Variants in GPR55 observed in about 807,000 individuals in gnomAD.
The protein encoded by GPR55 is G-protein coupled receptor 55.
A neutral mutation model predicts 7.9 loss-of-function variants in GPR55; 6 were observed. The observed-to-expected ratio is 0.76, with a 90% CI of 0.41 to 1.49. The LOEUF (loss-of-function observed/expected upper bound fraction) is 1.49, where lower values mean the gene tolerates loss of function less well. GPR55 is among the 40% of genes most tolerant of loss of function. The probability of loss-of-function intolerance (pLI) is 0.01; values close to 1 mark genes in which losing one functional copy is unlikely to be tolerated. For missense variants in GPR55, 376 were observed against 406.0 expected, an observed-to-expected ratio of 0.93 and a Z score of 0.63; for synonymous variants, 183 against 166.8, an observed-to-expected ratio of 1.10 and a Z score of -0.75.
intron 1 of GPR55, among the ~76,000 whole-genome samples, chr2:230,922,328 C>A (rs1574623886): frequency 6.6e-6 from 1 of 152,176 alleles, no homozygotes; most frequent in South Asian, 2.1e-4. Flanking sequence ...TTCTTCCATC[C>A]TCAAGGCCCT....
intron 1 of GPR55, among the ~76,000 whole-genome samples, chr2:230,915,943 G>T (rs1056064202): frequency 3.9e-5 from 6 of 151,988 alleles, no homozygotes; most frequent in Non-Finnish European, 8.8e-5. Context: ...TCATCACTAA[G>T]AAGAGTGCAA....
intron 1 of GPR55, among the ~76,000 whole-genome samples, chr2:230,934,263 C>A (rs535989101): frequency 1.3e-5 from 2 of 152,312 alleles, no homozygotes; most frequent in South Asian, 4.1e-4. Flanking sequence ...AAACCTAGGT[C>A]TGCATCAGGG....
In GPR55 at chr2:230,909,961, T is replaced by G; in HGVS notation, c.*42A>C. ...GGAACGCGATATCCGTTACCAGAAT[T>G]CAGGGCCAGGGCTTTCTTCCCCTGA... On this transcript the variant is annotated 3_prime_UTR_variant, in exon 2 of 2. Transcript: ENST00000650999. 1.9e-6 allele frequency: 3 copies of G among 1,576,012 alleles called. No homozygotes were observed. The highest frequency in any genetic ancestry group is 2.6e-6 in the Non-Finnish European group (3 of 1,160,008).
At chr2:230,922,659 TC>T (rs2125056292) in intron 1 of GPR55, among the ~76,000 whole-genome samples, 1 of 152,064 alleles carries the variant, frequency 6.6e-6, no homozygotes, top group South Asian at 2.1e-4. Context: ...CACTGCAACC[TC>T]TGCCTCCCAG....
chr2:230,936,635 A>G (rs1021323191), intron 1 of GPR55, among the ~76,000 whole-genome samples: 5 of 152,224 alleles, frequency 3.3e-5, no homozygotes, highest in Non-Finnish European at 7.3e-5. Context: ...GTTGGACAGC[A>G]GCAATGTCCA....
rs1042551703 is a variant in GPR55 at position 230,909,961 on chromosome 2, T to C, written c.*42A>G. ...GGAACGCGATATCCGTTACCAGAATTCAGGGCCAGGGCTTTCTTCCCCTGA... is the reference window on the plus strand; with the variant it reads ...GGAACGCGATATCCGTTACCAGAATCCAGGGCCAGGGCTTTCTTCCCCTGA... On this transcript the variant is annotated 3_prime_UTR_variant, in exon 2 of 2. Transcript: ENST00000650999. The C allele has an allele frequency of 8.9e-6, 14 of 1,575,894 alleles. No homozygotes were observed. The Admixed American group carries it at 2.1e-4, about 24-fold the overall frequency.
intron 1 of GPR55, among the ~76,000 whole-genome samples, chr2:230,946,064 A>G (rs1691309395): frequency 1.3e-5 from 2 of 152,272 alleles, no homozygotes; most frequent in Non-Finnish European, 2.9e-5. Flanking sequence ...TTGTGACAAC[A>G]TAAATGAACC....
upstream of GPR55, among the ~76,000 whole-genome samples, chr2:230,925,567 G>C (rs554289920): frequency 1.3e-5 from 2 of 152,114 alleles, no homozygotes; most frequent in African/African-American, 4.8e-5. Context: ...AGCCTCCTAC[G>C]CACCCCAGAC....
intron 1 of GPR55, among the ~76,000 whole-genome samples, chr2:230,921,424 T>C (rs1390828211): frequency 6.6e-6 from 1 of 152,188 alleles, no homozygotes; most frequent in East Asian, 1.9e-4. Flanking sequence ...GCACAGGCAA[T>C]GGCAATTTTA....
intron 1 of GPR55, among the ~76,000 whole-genome samples, chr2:230,922,376 T>C (rs1293531472): frequency 6.6e-6 from 1 of 151,908 alleles, no homozygotes; most frequent in Non-Finnish European, 1.5e-5. Flanking sequence ...CTCAATGTGC[T>C]GATTTGTTTG....
chr2:230,938,325 A>G (rs1465282400), intron 1 of GPR55, among the ~76,000 whole-genome samples: 1 of 150,934 alleles, frequency 6.6e-6, no homozygotes. Context: ...TTAAAAGATG[A>G]TGTAATACCT....
In GPR55 at chr2:230,910,835, T is replaced by A. The variant is rs1312974683; in HGVS notation, c.128A>T (p.His43Leu). 5 of 1,614,112 alleles carry A rather than the reference T, an allele frequency of 3.1e-6. No individual in the cohort carries two copies. The Admixed American group carries it at 8.3e-5, about 27-fold the overall frequency. ...LGLLLNLLAI[H>L]GFSTFLKNRW... Reference sequence around the variant, plus strand: ...GTTCTTAAGGAAGGTGCTGAAGCCATGGATGGCCAGCAGGTTGAGGAGCAG... The same window carrying A: ...GTTCTTAAGGAAGGTGCTGAAGCCAAGGATGGCCAGCAGGTTGAGGAGCAG... The change falls in exon 2 of 2, where the codon CAT becomes CTT. Residue 43 changes from histidine to leucine, a missense_variant. His to Leu is a moderately conservative substitution (Grantham distance 99, BLOSUM62 -3). Transcript: ENST00000650999. The surrounding 1 kb of genome is among the most constrained non-coding windows in gnomAD (Gnocchi z 5.4).
chr2:230,910,988 C>G lies in GPR55; in HGVS notation c.-26G>C, dbSNP rs188802605. On this transcript the variant is annotated 5_prime_UTR_variant, in exon 2 of 2. Coordinates refer to ENST00000650999, the MANE Select transcript of GPR55 (RefSeq NM_005683.4). This position sits in a 1 kb window ranked among gnomAD's most constrained non-coding sequence, Gnocchi z 5.4. Reference sequence around the variant, plus strand: ...GTTTCTTCCTACAACACCAACAGATCAGACGGGGCTCCTTTCACTCTCTTG... The same window carrying G: ...GTTTCTTCCTACAACACCAACAGATGAGACGGGGCTCCTTTCACTCTCTTG... 5.0e-4 allele frequency: 783 copies of G among 1,568,024 alleles called. 4 individuals carry two copies. The African/African-American group carries it at 9.2e-3, about 18-fold the overall frequency.
At chr2:230,914,776 G>A (rs1421128483) in intron 1 of GPR55, among the ~76,000 whole-genome samples, 2 of 152,358 alleles carry the variant, frequency 1.3e-5, no homozygotes, top group Middle Eastern at 3.4e-3. Context: ...CAATGGTACT[G>A]TAGTTGGCTG....
Position 230,909,894 on chromosome 2 carries a change from T to G in GPR55, c.*109A>C. The G allele has an allele frequency of 9.2e-7, 1 of 1,091,246 alleles. No individual in the cohort carries two copies. Among genetic ancestry groups the G allele is most frequent in the Non-Finnish European group, 1.3e-6 (1 of 745,358 alleles). 67.6% of individuals were successfully genotyped at this position (1,091,246 alleles called of 1,614,324 possible). On this transcript the variant is annotated 3_prime_UTR_variant, in exon 2 of 2. Coordinates refer to ENST00000650999, the MANE Select transcript of GPR55 (RefSeq NM_005683.4). ...TCAATGGGCATCAAAGGGAAGCACA[T>G]CAGTGAAGATGGTGCGGATCATCCC...
chr2:230,943,497 T>G (rs4972974), intron 1 of GPR55, among the ~76,000 whole-genome samples: 1 of 152,104 alleles, frequency 6.6e-6, no homozygotes, highest in South Asian at 2.1e-4. Flanking sequence ...CATCCCCAGC[T>G]GGGGGGCCAA....
intron 1 of GPR55, among the ~76,000 whole-genome samples, chr2:230,949,409 G>T (rs56400623): frequency 0.089 from 13,557 of 152,136 alleles, 890 homozygotes; most frequent in African/African-American, 0.18. Flanking sequence ...CGATCTGCCC[G>T]CGTTGGCCTC....
chr2:230,938,391 G>A (rs1404130674), intron 1 of GPR55, among the ~76,000 whole-genome samples: 8 of 107,784 alleles, frequency 7.4e-5, no homozygotes, highest in Non-Finnish European at 1.4e-4. Context: ...TCTGTAACCA[G>A]ATGACCAAAA....
intron 1 of GPR55, among the ~76,000 whole-genome samples, chr2:230,933,991 G>C: frequency 6.6e-6 from 1 of 152,132 alleles, no homozygotes; most frequent in Non-Finnish European, 1.5e-5. Context: ...AGAGGTGCTG[G>C]GTCAGGCTGT....
Sources: gnomAD v4.1 joint callset for allele counts (sites outside exome capture counted in the v4.1 genomes callset) on GRCh38, gnomAD v4.1.1 for gene constraint, Gnocchi (gnomAD v3.1) non-coding constraint, MANE v1.5 for transcripts, NCBI Gene and HGNC (gene_info 2026-07-23, HGNC 2026-07-21) for gene names.